CTNS: variants seen among roughly 807,000 people sequenced by gnomAD.
The protein encoded by CTNS is cystinosin.
A neutral mutation model predicts 43.7 loss-of-function variants in CTNS; 27 were observed. That is an observed-to-expected ratio of 0.62 (90% CI 0.46 to 0.85). CTNS has a LOEUF of 0.85. Ranked by LOEUF, CTNS falls within the 40% of genes least tolerant of loss-of-function variation. CTNS has a pLI of 0.00. For missense variants in CTNS, 457 were observed against 475.4 expected, an observed-to-expected ratio of 0.96 and a Z score of 0.36; for synonymous variants, 187 against 190.6, an observed-to-expected ratio of 0.98 and a Z score of 0.16.
At position 3,655,361 on chromosome 17, in the gene CTNS, CT is replaced by C. The variant is rs377470989; in HGVS notation, c.461+10del. ...AATTGGAGGCGGAAAAGGTAACCCCCTGGGCCGTATGTGCAGGCTCTCTCGG... is the reference window on the plus strand; with the variant it reads ...AATTGGAGGCGGAAAAGGTAACCCCCGGGCCGTATGTGCAGGCTCTCTCGG... On this transcript the variant is annotated intron_variant, in intron 7 of 11. Coordinates refer to ENST00000046640, the MANE Select transcript of CTNS (RefSeq NM_004937.3). 1,294 of 1,613,956 alleles carry C rather than the reference CT, an allele frequency of 8.0e-4. 3 individuals are homozygous for C. Among genetic ancestry groups the C allele is most frequent in the Middle Eastern group, 5.7e-3 (34 of 5,930 alleles).
At chr17:3,656,451 A>G (rs1240436330) in intron 7 of CTNS, 36 bp from the exon 8 acceptor site, 1 of 1,406,842 alleles carries the variant, frequency 7.1e-7, no homozygotes. Flanking sequence ...GCCAGTCTTC[A>G]CCCCCTGCCC....
chr17:3,655,635 C>G, intron 7 of CTNS: 1 of 447,312 alleles, frequency 2.2e-6, no homozygotes, highest in Non-Finnish European at 4.1e-6. Context: ...GAGGGCAGTC[C>G]ATCGTGAATC....
upstream of CTNS, chr17:3,636,570 T>G: frequency 4.1e-5 from 10 of 246,458 alleles, no homozygotes; most frequent in Non-Finnish European, 5.5e-5. Flanking sequence ...GGACCTCATC[T>G]TCCCTCACGC....
chr17:3,647,496 C>T lies in CTNS; in HGVS notation c.114C>T (p.Ser38=), dbSNP rs1305013230. The stretch of plus-strand genomic sequence containing the variant: ...CTGTCGTAAAGCTGGAGAACGGCAG[C>T]TCGACCAACGTCAGCCTCACCCTGC... ...VPPVVKLENG[S]STNVSLTLRP... Residue 38 remains serine (S), a synonymous_variant, in exon 4 of 12, where the codon AGC becomes AGT. Coordinates refer to ENST00000046640, the MANE Select transcript of CTNS (RefSeq NM_004937.3). The T allele has an allele frequency of 3.7e-6, 6 of 1,614,050 alleles. No individual in the cohort carries two copies. Among genetic ancestry groups the T allele is most frequent in the Non-Finnish European group, 5.1e-6 (6 of 1,180,010 alleles).
chr17:3,645,323 G>A (rs183662344), intron 3 of CTNS, among the ~76,000 whole-genome samples: 1 of 152,256 alleles, frequency 6.6e-6, no homozygotes, highest in East Asian at 1.9e-4. Context: ...AGCCAGCAGG[G>A]GACTGGAGAT....
At chr17:3,649,572 C>T (rs1567703418) in intron 5 of CTNS, among the ~76,000 whole-genome samples, 2 of 152,118 alleles carry the variant, frequency 1.3e-5, no homozygotes, top group Non-Finnish European at 2.9e-5. Context: ...CCCAAACCTA[C>T]TGATTCAAAG....
intron 5 of CTNS, chr17:3,650,511 T>A: frequency 4.2e-6 from 3 of 707,876 alleles, no homozygotes; most frequent in Non-Finnish European, 6.5e-6. Context: ...ATAAAATGTT[T>A]AAAAATAACA....
At chr17:3,644,741 G>A (rs1236637885) in intron 3 of CTNS, among the ~76,000 whole-genome samples, 1 of 152,222 alleles carries the variant, frequency 6.6e-6, no homozygotes, top group East Asian at 1.9e-4. Context: ...TGGGATTACA[G>A]GCCTGAGCCA....
At chr17:3,656,650 C>T (rs372250201) in intron 8 of CTNS, 26 bp from the exon 9 acceptor site, 48 of 1,612,906 alleles carry the variant, frequency 3.0e-5, no homozygotes, top group Middle Eastern at 3.3e-4. Flanking sequence ...CCCCTCACCA[C>T]CCAGCTTCTC....
At chr17:3,645,163 C>T (rs2075815569) in intron 3 of CTNS, among the ~76,000 whole-genome samples, 1 of 152,224 alleles carries the variant, frequency 6.6e-6, no homozygotes. Flanking sequence ...AGAATGACCT[C>T]AGAACAGTGA....
At chr17:3,642,894 C>G (rs918882632) in intron 3 of CTNS, among the ~76,000 whole-genome samples, 3 of 152,178 alleles carry the variant, frequency 2.0e-5, no homozygotes, top group Non-Finnish European at 2.9e-5. Context: ...AGCCTCATGG[C>G]AAGAACCTGG....
chr17:3,660,402 C>G lies in CTNS; in HGVS notation c.*33C>G, dbSNP rs371518570. On this transcript the variant is annotated 3_prime_UTR_variant, in exon 12 of 12. Coordinates refer to ENST00000046640, the MANE Select transcript of CTNS (RefSeq NM_004937.3). ...GGACCCAGTGTACCCAGCCTCTGGC[C>G]TCGTGCCCTGCTGGGGAAGGCCTCA... 13 of 1,613,978 alleles carry G rather than the reference C, an allele frequency of 8.1e-6. No individual in the cohort carries two copies. In the Middle Eastern group the frequency reaches 4.9e-4, roughly 61 times the overall value.
intron 3 of CTNS, among the ~76,000 whole-genome samples, chr17:3,641,384 A>ATATATATATATATATATATAT (rs1555558526): frequency 3.2e-5 from 1 of 31,204 alleles, no homozygotes; most frequent in African/African-American, 2.3e-4. Context: ...ATATATATAT[A>ATATATATATATATATATATAT]TTTTTTTTTT....
chr17:3,651,547 G>T (rs559968703), intron 5 of CTNS, among the ~76,000 whole-genome samples: 1 of 152,336 alleles, frequency 6.6e-6, no homozygotes, highest in South Asian at 2.1e-4. Context: ...GCAAGCAGGG[G>T]TTCCGAGGAC....
At chr17:3,641,187 A>G in intron 3 of CTNS, among the ~76,000 whole-genome samples, 1 of 151,538 alleles carries the variant, frequency 6.6e-6, no homozygotes, top group Non-Finnish European at 1.5e-5. Context: ...TGTAGGAGGA[A>G]TGACCTTCAG....
intron 7 of CTNS, chr17:3,655,579 CAG>C: frequency 1.7e-6 from 1 of 581,728 alleles, no homozygotes; most frequent in Admixed American, 3.0e-5. Context: ...AGCAGGAAAA[CAG>C]GGAAAAGGGG....
rs138884346 is a variant in CTNS, at chr17:3,651,258, C to G, written c.225+2327C>G. Among the ~76,000 whole-genome samples the G allele has an allele frequency of 3.5e-3, 533 of 152,036 alleles. 20 individuals are homozygous for G. In the East Asian group the frequency reaches 0.064, roughly 18 times the overall value. ...TACAGGCACACACCACCACACCCGG[C>G]TAATTTTTGTGTTTTTAGTAGAGAT... On this transcript the variant is annotated intron_variant, in intron 5 of 11. Coordinates refer to ENST00000046640, the MANE Select transcript of CTNS (RefSeq NM_004937.3).
At chr17:3,654,926 A>G (rs2076089313) in intron 5 of CTNS, 72 bp from the exon 6 acceptor site, 1 of 1,070,414 alleles carries the variant, frequency 9.3e-7, no homozygotes, top group Non-Finnish European at 1.5e-6. Context: ...AGCGTGTTGC[A>G]TAGAGCTAGA....
rs759116689 is a variant in CTNS at position 3,657,997 on chromosome 17, G to A, written c.682-8G>A. The A allele has an allele frequency of 1.1e-5, 18 of 1,607,290 alleles. 1 individual carries two copies. Among genetic ancestry groups the A allele is most frequent in the South Asian group, 4.4e-5 (4 of 90,994 alleles). On this transcript the variant is annotated splice_polypyrimidine_tract_variant and splice_region_variant and intron_variant, in intron 9 of 11. Transcript: ENST00000046640. ...GGGTCCACATCTCTGCCCTCCTCTC[G>A]CCCCCAGCGCGGTGGCCAGCGCGTG...
Sources: gnomAD v4.1 joint callset for allele counts (sites outside exome capture counted in the v4.1 genomes callset) on GRCh38, gnomAD v4.1.1 for gene constraint, MANE v1.5 for transcripts, NCBI Gene and HGNC (gene_info 2026-07-23, HGNC 2026-07-21) for gene names.